Variants in BAG1 observed in about 807,000 individuals in gnomAD.
BAG1 encodes the protein BAG family molecular chaperone regulator 1.
In BAG1, 35 loss-of-function variants were observed where a neutral mutation model predicts 35.5. The ratio of observed to expected loss-of-function variants is 0.99; its 90% CI spans 0.75 to 1.31. The LOEUF (loss-of-function observed/expected upper bound fraction) is 1.31, where lower values mean the gene tolerates loss of function less well. BAG1 is among the 50% of genes most tolerant of loss of function. The probability of loss-of-function intolerance (pLI) is 0.00; values close to 1 mark genes in which losing one functional copy is unlikely to be tolerated. For synonymous variants in BAG1, 191 were observed against 178.9 expected (o/e 1.07, Z -0.54); for missense variants, 464 against 453.6 (o/e 1.02, Z -0.21).
In BAG1 at chr9:33,261,485, C is replaced by T. The variant is rs73476658; in HGVS notation, c.581-316G>A. Among the ~76,000 whole-genome samples, 785 of 152,202 alleles carry T rather than the reference C, an allele frequency of 5.2e-3. 9 individuals carry two copies. Among genetic ancestry groups the T allele is most frequent in the African/African-American group, 0.018 (758 of 41,514 alleles). On this transcript the variant is annotated intron_variant, in intron 2 of 6. Coordinates refer to ENST00000634734, the MANE Select transcript of BAG1 (RefSeq NM_004323.6). ...AGAAGACTTTAAAGTCTTCAGTAGG[C>T]ATTAAGGTCTACAGTAGCCATTAAA...
intron 1 of BAG1, among the ~76,000 whole-genome samples, chr9:33,263,958 A>C (rs1820641341): frequency 6.6e-6 from 1 of 152,112 alleles, no homozygotes; most frequent in South Asian, 2.1e-4. Flanking sequence ...CACAAACACA[A>C]CCAGGCCCAC....
At chr9:33,258,868 T>C (rs377051922) in intron 4 of BAG1, 52 bp downstream of exon 4, 782 of 1,477,448 alleles carry the variant, frequency 5.3e-4, no homozygotes, top group Non-Finnish European at 6.5e-4. Flanking sequence ...ACAAGTTATA[T>C]CCAGGAAGCT....
chr9:33,262,186 T>G, intron 2 of BAG1: 1 of 1,289,774 alleles, frequency 7.8e-7, no homozygotes, highest in Middle Eastern at 2.1e-4. Flanking sequence ...ATCTGACACC[T>G]GTCCAGGTGT....
Position 33,262,673 on chromosome 9 carries a change from AAAAG to A in BAG1, c.580+25_580+28del, listed in dbSNP as rs201675123. 3,871 of 1,565,232 alleles carry A rather than the reference AAAAG, an allele frequency of 2.5e-3. 103 individuals carry two copies. The East Asian group carries it at 0.067, about 27-fold the overall frequency. ...ACTTCGTCTCAAAAAAAAAAAAAGA[AAAAG>A]AAAGAAAGAAAAAGAAATGCTTACC... On this transcript the variant is annotated intron_variant, in intron 2 of 6. Transcript: ENST00000634734.
Position 33,258,674 on chromosome 9 carries a change from G to A in BAG1, c.777+246C>T, listed in dbSNP as rs73645267. ...ACAATAAATGCTTATAAAGCACTTA[G>A]TATGTGTCAAGCTCAATCTACATTA... On this transcript the variant is annotated intron_variant, in intron 4 of 6. Coordinates refer to ENST00000634734, the MANE Select transcript of BAG1 (RefSeq NM_004323.6). 1.8e-3 allele frequency among the ~76,000 whole-genome samples: 271 copies of A among 152,324 alleles called. 3 individuals are homozygous for A. The highest frequency in any genetic ancestry group is 6.2e-3 in the African/African-American group (257 of 41,576).
intron 2 of BAG1, among the ~76,000 whole-genome samples, chr9:33,262,454 C>T (rs1820592030): frequency 6.6e-6 from 1 of 151,982 alleles, no homozygotes; most frequent in Non-Finnish European, 1.5e-5. Flanking sequence ...ATCAGGAGTT[C>T]GAGACCAGCC....
intron 5 of BAG1, 116 bp downstream of exon 5, chr9:33,256,685 A>G: frequency 1.2e-6 from 1 of 808,916 alleles, no homozygotes. Flanking sequence ...GTAGATGCTT[A>G]ATATTCTCAA....
At chr9:33,263,897 C>G (rs1162312055) in intron 1 of BAG1, among the ~76,000 whole-genome samples, 1 of 150,490 alleles carries the variant, frequency 6.6e-6, no homozygotes, top group African/African-American at 2.5e-5. Context: ...AGTCGTAGAC[C>G]ACATGGCCCA....
chr9:33,264,290 T>C lies in BAG1; in HGVS notation c.385A>G (p.Thr129Ala), dbSNP rs1480104296. ...TCCCTGGTCACCTCCTCGCTCCGGG[T>C]CGACTCCTCGTCCCGGGTCACCTCC... is the stretch of plus-strand genomic sequence containing the variant. The change falls in exon 1 of 7, where the codon ACC (threonine) becomes GCC (alanine). Residue 129 changes from threonine to alanine, a missense_variant. Transcript: ENST00000634734. The C allele has an allele frequency of 6.2e-6, 10 of 1,613,626 alleles. No individual in the cohort carries two copies. Among genetic ancestry groups the C allele is most frequent in the Non-Finnish European group, 8.5e-6 (10 of 1,179,956 alleles).
At chr9:33,255,828 C>T in intron 6 of BAG1, 37 bp downstream of exon 6, 1 of 1,583,344 alleles carries the variant, frequency 6.3e-7, no homozygotes, top group Non-Finnish European at 8.7e-7. Context: ...TACACATTAA[C>T]ATATTACACC....
intron 1 of BAG1, 118 bp downstream of exon 1, chr9:33,264,106 C>A (rs1026372063): frequency 2.7e-5 from 33 of 1,240,984 alleles, no homozygotes; most frequent in Non-Finnish European, 3.6e-5. Flanking sequence ...ATAACCCACG[C>A]TTCCGGACGC....
At chr9:33,257,122 A>G (rs1820472498) in intron 4 of BAG1, 1 of 514,266 alleles carries the variant, frequency 1.9e-6, no homozygotes, top group South Asian at 2.7e-5. Context: ...TCTACCTCGC[A>G]TGACCCACTG....
intron 6 of BAG1, 58 bp from the exon 7 acceptor site, chr9:33,255,366 C>T (rs1445624198): frequency 1.2e-6 from 2 of 1,611,540 alleles, no homozygotes; most frequent in African/African-American, 1.3e-5. Context: ...CCACTGCCCA[C>T]ACAAGGCTCC....
At chr9:33,262,420 G>A (rs567441613) in intron 2 of BAG1, among the ~76,000 whole-genome samples, 1 of 152,204 alleles carries the variant, frequency 6.6e-6, no homozygotes, top group Non-Finnish European at 1.5e-5. Flanking sequence ...ACTTTGGGAG[G>A]CCGAGGCGGG....
At position 33,255,013 on chromosome 9, in the gene BAG1, C is replaced by T; in HGVS notation, c.*206G>A. The T allele has an allele frequency of 6.6e-7, 1 of 1,517,914 alleles. No homozygotes were observed. The highest frequency in any genetic ancestry group is 8.9e-7 in the Non-Finnish European group (1 of 1,126,398). 94.0% of individuals were successfully genotyped at this position (1,517,914 alleles called of 1,614,324 possible). ...GGTGGATTGCTGGACAGTACAACCA[C>T]AGAGACAGAAGGAGAAAACAGATAG... On this transcript the variant is annotated 3_prime_UTR_variant, in exon 7 of 7. Coordinates refer to ENST00000634734, the MANE Select transcript of BAG1 (RefSeq NM_004323.6).
chr9:33,254,954 GA>G lies in BAG1; in HGVS notation c.*264del, dbSNP rs1445021300. ...AGCACCCAGAGGTCCAAACAGCTGG[GA>G]AAATTTGGGCAGAGGTGGCCCTCTC... is the stretch of plus-strand genomic sequence containing the variant. On this transcript the variant is annotated 3_prime_UTR_variant, in exon 7 of 7. Coordinates refer to ENST00000634734, the MANE Select transcript of BAG1 (RefSeq NM_004323.6). 7.4e-7 allele frequency: 1 copy of G among 1,350,932 alleles called. No individual in the cohort carries two copies. Among genetic ancestry groups the G allele is most frequent in the Admixed American group, 2.5e-5 (1 of 39,384 alleles). The allele number at this position is 1,350,932 out of a possible 1,614,324, so 83.7% of individuals were successfully genotyped here.
Position 33,256,870 on chromosome 9 carries a change from G to C in BAG1, c.816C>G (p.Cys272Trp), listed in dbSNP as rs761881834. The change falls in exon 5 of 7, where the codon TGC becomes TGG. Residue 272 changes from cysteine to tryptophan, a missense_variant. Transcript: ENST00000634734. ...TGGCTTTTACTCTCCTATCAAGTTT[G>C]CAGAGAGCTTCAGCTTGCAAATCCT... The C allele has an allele frequency of 6.2e-7, 1 of 1,614,150 alleles. No individual in the cohort carries two copies. Among genetic ancestry groups the C allele is most frequent in the African/African-American group, 1.3e-5 (1 of 75,056 alleles).
Position 33,258,902 on chromosome 9 carries a change from G to A in BAG1, c.777+18C>T, listed in dbSNP as rs1564079814. 5 of 1,599,354 alleles carry A rather than the reference G, an allele frequency of 3.1e-6. No homozygotes were observed. The highest frequency in any genetic ancestry group is 4.3e-6 in the Non-Finnish European group (5 of 1,166,660). On this transcript the variant is annotated intron_variant, in intron 4 of 6. Coordinates refer to ENST00000634734, the MANE Select transcript of BAG1 (RefSeq NM_004323.6). The stretch of plus-strand genomic sequence containing the variant: ...CTCTGATAGAAGGCAGAAAGTTAAG[G>A]TCCATGAAGAGAGTTACCTGCTGGA...
rs1385199872 is a variant in BAG1 at position 33,264,292 on chromosome 9, G to C, written c.383C>G (p.Ser128Trp). The stretch of plus-strand genomic sequence containing the variant: ...CCTGGTCACCTCCTCGCTCCGGGTC[G>C]ACTCCTCGTCCCGGGTCACCTCCTG... Residue 128 changes from serine (S) to tryptophan (W), a missense_variant, in exon 1 of 7, where the codon TCG (serine) becomes TGG (tryptophan). Coordinates refer to ENST00000634734, the MANE Select transcript of BAG1 (RefSeq NM_004323.6). 2 of 1,612,790 alleles carry C rather than the reference G, an allele frequency of 1.2e-6. No homozygotes were observed. The highest frequency in any genetic ancestry group is 2.7e-5 in the African/African-American group (2 of 74,636).
Sources: allele counts gnomAD v4.1 joint callset (sites outside exome capture counted in the v4.1 genomes callset), GRCh38; gene constraint gnomAD v4.1.1; transcripts MANE v1.5; gene names NCBI Gene and HGNC (gene_info 2026-07-23, HGNC 2026-07-21).